ADGRF3: variants seen among roughly 807,000 people sequenced by gnomAD.
The protein encoded by ADGRF3 is adhesion G protein-coupled receptor F3.
ADGRF3 carries 85 observed loss-of-function variants against 93.2 expected under a neutral mutation model. The observed-to-expected ratio is 0.91, with a 90% CI of 0.77 to 1.09. ADGRF3 has a LOEUF of 1.09. Among genes scored for constraint, ADGRF3 ranks in the 50% least tolerant of loss-of-function variants. The pLI, the probability that ADGRF3 is intolerant of heterozygous loss-of-function variation, is 0.00. For missense variants in ADGRF3, 1,125 were observed against 1,246.2 expected (o/e 0.90, Z 1.46); for synonymous variants, 534 against 532.5 (o/e 1.00, Z -0.04).
chr2:26,314,343 G>A (rs1674460556), intron 6 of ADGRF3, 71 bp downstream of exon 6: 9 of 1,415,186 alleles, frequency 6.4e-6, no homozygotes, highest in Non-Finnish European at 7.7e-6. Context: ...ATGAGCTGAA[G>A]ACCCAGCTGC....
intron 1 of ADGRF3, among the ~76,000 whole-genome samples, chr2:26,334,656 CCCG>C (rs774109098): frequency 1.3e-5 from 2 of 152,098 alleles, no homozygotes; most frequent in Non-Finnish European, 2.9e-5. Flanking sequence ...TGATCATCTC[CCCG>C]CCATTAAAAC....
intron 1 of ADGRF3, chr2:26,345,787 C>G (rs544832768): frequency 8.4e-6 from 3 of 357,096 alleles, no homozygotes; most frequent in African/African-American, 4.3e-5. Flanking sequence ...GATCACCACG[C>G]AAGTGCGGAT....
intron 1 of ADGRF3, among the ~76,000 whole-genome samples, chr2:26,345,108 T>G (rs987559883): frequency 1.4e-4 from 21 of 152,184 alleles, no homozygotes; most frequent in Non-Finnish European, 1.5e-5. Flanking sequence ...TTTCCGAGCT[T>G]CGTAACTAAG....
At chr2:26,325,068 GAC>G (rs10578251) in intron 1 of ADGRF3, among the ~76,000 whole-genome samples, 15,632 of 152,208 alleles carry the variant, frequency 0.1, 1,837 homozygotes, top group East Asian at 0.6. Flanking sequence ...CAGAGGTCAT[GAC>G]AGCTGTTATG....
At chr2:26,314,367 C>G in intron 6 of ADGRF3, 47 bp downstream of exon 6, 1 of 1,547,558 alleles carries the variant, frequency 6.5e-7, no homozygotes, top group Non-Finnish European at 8.8e-7. Flanking sequence ...GAAGAGACAG[C>G]TGCCCCCTGG....
At chr2:26,318,625 C>T (rs920546927) in intron 1 of ADGRF3, among the ~76,000 whole-genome samples, 3 of 152,124 alleles carry the variant, frequency 2.0e-5, no homozygotes, top group Non-Finnish European at 4.4e-5. Context: ...GATTCTCTCC[C>T]ATCCTCTAAG....
intron 1 of ADGRF3, among the ~76,000 whole-genome samples, chr2:26,329,783 T>C (rs1675659654): frequency 6.6e-6 from 1 of 152,248 alleles, no homozygotes; most frequent in Non-Finnish European, 1.5e-5. Context: ...TTATATTTTC[T>C]ATTTCCTCCT....
In ADGRF3 at chr2:26,346,560, AT is replaced by A. The variant is rs200397545; in HGVS notation, c.-327del. On this transcript the variant is annotated 5_prime_UTR_variant, in exon 1 of 14. It introduces an in-frame stop codon into an upstream open reading frame of the 5' UTR. Coordinates refer to ENST00000651242, the MANE Select transcript of ADGRF3 (RefSeq NM_001321971.2). Reference sequence around the variant, plus strand: ...CATGGAGCGAGGGAATTCCCTTCCTATTTTTTTTAAACTTATTATTTTCGTA... The same window carrying A: ...CATGGAGCGAGGGAATTCCCTTCCTATTTTTTTAAACTTATTATTTTCGTA... 1.6e-4 allele frequency: 56 copies of A among 343,358 alleles called. No individual in the cohort carries two copies. Among genetic ancestry groups the A allele is most frequent in the Non-Finnish European group, 1.8e-4 (34 of 189,996 alleles). The allele number at this position is 343,358 out of a possible 1,614,324, so 21.3% of individuals were successfully genotyped here.
In ADGRF3 at chr2:26,317,469, C is replaced by T. The variant is rs1558388535; in HGVS notation, c.181+27G>A. ...TTCCCAGCTCCCATCTCCTCCCCCT[C>T]CCTCCTCCTCCTGTCCATACACTCA... is the stretch of plus-strand genomic sequence containing the variant. On this transcript the variant is annotated intron_variant, in intron 2 of 13. Transcript: ENST00000651242. 1.9e-6 allele frequency: 3 copies of T among 1,570,976 alleles called. No individual in the cohort carries two copies. The East Asian group carries it at 7.1e-5, about 37-fold the overall frequency.
At position 26,313,586 on chromosome 2, in the gene ADGRF3, G is replaced by C; in HGVS notation, c.1073-13C>G. 2 of 1,597,658 alleles carry C rather than the reference G, an allele frequency of 1.3e-6. No individual in the cohort carries two copies. On this transcript the variant is annotated splice_polypyrimidine_tract_variant and intron_variant, in intron 7 of 13. Transcript: ENST00000651242. ...GTGATGTCTCCATCTGAAGAATGAC[G>C]AGCAGGCGCTACTCAGCAATCACAG...
At chr2:26,331,744 A>G (rs1373277101) in intron 1 of ADGRF3, among the ~76,000 whole-genome samples, 1 of 152,078 alleles carries the variant, frequency 6.6e-6, no homozygotes, top group Non-Finnish European at 1.5e-5. Flanking sequence ...CAAAAAACAA[A>G]AGGCAAAAAC....
chr2:26,346,212 G>A lies in ADGRF3; in HGVS notation c.23C>T (p.Ala8Val), dbSNP rs1289349809. The change falls in exon 1 of 14, where the codon GCC becomes GTC. Residue 8 changes from alanine to valine, a missense_variant. Ala to Val is a moderately conservative substitution (Grantham distance 64). Transcript: ENST00000651242. MTTRKLS[A>V]HSAATPGYKA... Reference sequence around the variant, plus strand: ...GTAGCCGGGAGTCGCTGCCGAGTGGGCGCTCAGTTTTCGGGTCGTCATGGC... The same window carrying A: ...GTAGCCGGGAGTCGCTGCCGAGTGGACGCTCAGTTTTCGGGTCGTCATGGC... 1 of 1,613,616 alleles carries A rather than the reference G, an allele frequency of 6.2e-7. No homozygotes were observed. Among genetic ancestry groups the A allele is most frequent in the South Asian group, 1.1e-5 (1 of 91,032 alleles).
intron 1 of ADGRF3, chr2:26,319,155 G>T (rs1164522028): frequency 6.4e-5 from 79 of 1,228,092 alleles, no homozygotes; most frequent in Non-Finnish European, 8.8e-5. Context: ...AGGGAGCCAG[G>T]GCTGAATTTA....
At chr2:26,337,435 A>G (rs886411534) in intron 1 of ADGRF3, among the ~76,000 whole-genome samples, 5 of 152,224 alleles carry the variant, frequency 3.3e-5, no homozygotes, top group African/African-American at 1.2e-4. Context: ...TGAAATGATT[A>G]CCACAGTCAA....
chr2:26,340,563 C>T (rs973019437), intron 1 of ADGRF3: 1 of 152,166 alleles, frequency 6.6e-6, no homozygotes, highest in Admixed American at 6.5e-5. Context: ...CATCTGCATA[C>T]CTGACATTAG....
At chr2:26,323,496 C>A (rs148254355) in intron 1 of ADGRF3, among the ~76,000 whole-genome samples, 61 of 152,190 alleles carry the variant, frequency 4.0e-4, no homozygotes, top group Admixed American at 9.8e-4. Flanking sequence ...GAGACAGGAT[C>A]CTGTTATGTT....
At chr2:26,345,980 C>T (rs1558406686) in intron 1 of ADGRF3, 141 bp downstream of exon 1, 1 of 786,654 alleles carries the variant, frequency 1.3e-6, no homozygotes, top group East Asian at 2.7e-5. Flanking sequence ...ACAGCAGTGT[C>T]GGGGGACGGG....
Position 26,311,208 on chromosome 2 carries a change from G to A in ADGRF3, c.2316C>T (p.Leu772=). 6.2e-7 allele frequency: 1 copy of A among 1,603,270 alleles called. No individual in the cohort carries two copies. The highest frequency in any genetic ancestry group is 8.5e-7 in the Non-Finnish European group (1 of 1,175,120). ...PFLSPGPRSP[L]CLAAAFLCHF... is the part of the protein sequence containing the mutation. ...GACAGAGGAAGGCGGCAGCAAGGCAGAGCGGGCTTCGGGGCCCTGGAGAGA... is the reference window on the plus strand; with the variant it reads ...GACAGAGGAAGGCGGCAGCAAGGCAAAGCGGGCTTCGGGGCCCTGGAGAGA... The change falls in exon 10 of 14, where the codon CTC becomes CTT. Residue 772 remains leucine, a synonymous_variant. Transcript: ENST00000651242.
At chr2:26,326,974 G>T (rs11126436) in intron 1 of ADGRF3, among the ~76,000 whole-genome samples, 1 of 152,060 alleles carries the variant, frequency 6.6e-6, no homozygotes, top group Admixed American at 6.5e-5. Context: ...TTCACCATGT[G>T]GGCCAGGCTA....
Sources: gnomAD v4.1 joint callset for allele counts (sites outside exome capture counted in the v4.1 genomes callset) on GRCh38, gnomAD v4.1.1 for gene constraint, MANE v1.5 for transcripts, NCBI Gene and HGNC (gene_info 2026-07-23, HGNC 2026-07-21) for gene names.